The following ARID5B variants were observed in gnomAD, a reference collection of about 807,000 sequenced individuals.
ARID5B encodes the protein AT-rich interactive domain-containing protein 5B.
ARID5B carries 13 observed loss-of-function variants against 97.2 expected under a neutral mutation model. The ratio of observed to expected loss-of-function variants is 0.13; its 90% CI spans 0.09 to 0.21. The LOEUF (loss-of-function observed/expected upper bound fraction) is 0.21, where lower values mean the gene tolerates loss of function less well. ARID5B is among the 10% of genes least tolerant of loss of function. The pLI is 1.00. For synonymous variants in ARID5B, 556 were observed against 570.3 expected (o/e 0.97, Z 0.36); for missense variants, 1,210 against 1,465.3 (o/e 0.83, Z 2.84).
chr10:62,080,099 C>T (rs534365984), intron 8 of ARID5B, among the ~76,000 whole-genome samples: 64 of 152,274 alleles, frequency 4.2e-4, no homozygotes, highest in Admixed American at 1.8e-3. Context: ...AGATGGGCCC[C>T]GCTATAGGCT....
At chr10:62,042,756 A>T (rs905343400) in intron 4 of ARID5B, among the ~76,000 whole-genome samples, 3 of 149,054 alleles carry the variant, frequency 2.0e-5, no homozygotes, top group Non-Finnish European at 4.5e-5. Flanking sequence ...CTAAAAATAC[A>T]AAAAAAAAAT....
chr10:61,955,608 A>G (rs556101888), intron 3 of ARID5B, among the ~76,000 whole-genome samples: 1 of 152,200 alleles, frequency 6.6e-6, no homozygotes, highest in African/African-American at 2.4e-5. Context: ...CATCTTTACT[A>G]TACTTACTAT....
intron 3 of ARID5B, among the ~76,000 whole-genome samples, chr10:61,948,380 A>ATTGTTTTT (rs1838271333): frequency 1.2e-5 from 1 of 86,222 alleles, no homozygotes; most frequent in Non-Finnish European, 2.2e-5. Context: ...ACTTTAGGTA[A>ATTGTTTTT]TTTTTTTTTT....
intron 3 of ARID5B, among the ~76,000 whole-genome samples, chr10:61,948,380 A>ATTTTTTTT (rs71470784): frequency 0.32 from 27,008 of 84,572 alleles, 5,085 homozygotes; most frequent in Non-Finnish European, 0.34. Flanking sequence ...ACTTTAGGTA[A>ATTTTTTTT]TTTTTTTTTT....
At chr10:62,085,320 A>G (rs1019728473) in intron 8 of ARID5B, among the ~76,000 whole-genome samples, 2 of 152,218 alleles carry the variant, frequency 1.3e-5, no homozygotes, top group African/African-American at 2.4e-5. Flanking sequence ...AACACTGCCT[A>G]TAGTATGTGC....
At chr10:61,923,900 T>C (rs2132773295) in intron 2 of ARID5B, among the ~76,000 whole-genome samples, 1 of 152,316 alleles carries the variant, frequency 6.6e-6, no homozygotes, top group Non-Finnish European at 1.5e-5. Context: ...TTGGATCAGA[T>C]TGAATTGAGT....
intron 4 of ARID5B, among the ~76,000 whole-genome samples, chr10:62,002,731 G>T (rs1239125746): frequency 6.6e-6 from 1 of 152,184 alleles, no homozygotes. Context: ...AATTTAATTA[G>T]TGACTAGCAT....
chr10:61,947,543 T>C (rs1171543065), intron 3 of ARID5B, among the ~76,000 whole-genome samples: 1 of 131,292 alleles, frequency 7.6e-6, no homozygotes, highest in East Asian at 2.2e-4. Context: ...GTGCTGGGAT[T>C]ACAGGTGTGA....
chr10:62,022,935 A>C (rs568661191), intron 4 of ARID5B, among the ~76,000 whole-genome samples: 2 of 152,342 alleles, frequency 1.3e-5, no homozygotes, highest in East Asian at 3.9e-4. Context: ...TGCCCGTGTT[A>C]ACGAACTTCC....
intron 3 of ARID5B, among the ~76,000 whole-genome samples, chr10:61,966,217 A>T (rs968781106): frequency 1.3e-5 from 2 of 152,190 alleles, no homozygotes; most frequent in Admixed American, 6.6e-5. Flanking sequence ...GGGGAACAGG[A>T]AACCATTTCA....
chr10:61,922,043 A>T (rs1844024787), intron 2 of ARID5B, among the ~76,000 whole-genome samples: 1 of 152,186 alleles, frequency 6.6e-6, no homozygotes, highest in Non-Finnish European at 1.5e-5. Context: ...GGTTCCTCCC[A>T]AATATCTCCC....
intron 7 of ARID5B, among the ~76,000 whole-genome samples, chr10:62,063,216 A>G (rs896793174): frequency 1.3e-5 from 2 of 152,176 alleles, no homozygotes; most frequent in African/African-American, 4.8e-5. Flanking sequence ...TGAGATTTTT[A>G]TCTGACTCTT....
chr10:61,989,856 G>T (rs1246593580), intron 3 of ARID5B, among the ~76,000 whole-genome samples: 2 of 152,176 alleles, frequency 1.3e-5, no homozygotes, highest in Non-Finnish European at 2.9e-5. Context: ...ATGGCTTGAG[G>T]TTCCTTGATA....
intron 3 of ARID5B, among the ~76,000 whole-genome samples, chr10:61,959,856 A>G (rs1412904808): frequency 6.6e-6 from 1 of 152,184 alleles, no homozygotes; most frequent in African/African-American, 2.4e-5. Context: ...GGCAGCATGG[A>G]TGACTTTGAG....
intron 4 of ARID5B, among the ~76,000 whole-genome samples, chr10:62,009,448 T>C (rs1839188927): frequency 6.6e-6 from 1 of 152,162 alleles, no homozygotes; most frequent in Non-Finnish European, 1.5e-5. Context: ...AGATAGGACA[T>C]GGAGCAAGAG....
intron 4 of ARID5B, among the ~76,000 whole-genome samples, chr10:62,012,634 T>C (rs898536753): frequency 6.6e-6 from 1 of 152,234 alleles, no homozygotes; most frequent in Non-Finnish European, 1.5e-5. Flanking sequence ...AAAGCTGGTA[T>C]GCTTATCTAC....
In ARID5B at chr10:62,092,628, A is replaced by G. The variant is rs1447518029; in HGVS notation, c.3165A>G (p.Lys1055=). 8 of 1,614,162 alleles carry G rather than the reference A, an allele frequency of 5.0e-6. No homozygotes were observed. The highest frequency in any genetic ancestry group is 6.8e-6 in the Non-Finnish European group (8 of 1,180,016). Residue 1055 remains lysine (K), a synonymous_variant, in exon 10 of 10, where the codon AAA becomes AAG. Coordinates refer to ENST00000279873, the MANE Select transcript of ARID5B (RefSeq NM_032199.3). The part of the protein sequence containing the change: ...KASEQESEGS[K]AAHGGHSGGG... The stretch of plus-strand genomic sequence containing the variant: ...CTGAGCAGGAGAGTGAAGGCAGCAA[A>G]GCAGCGCACGGTGGGCATTCCGGGG...
chr10:61,932,892 T>C (rs1264810903), intron 2 of ARID5B, among the ~76,000 whole-genome samples: 1 of 152,126 alleles, frequency 6.6e-6, no homozygotes, highest in African/African-American at 2.4e-5. Context: ...GGCTAGGAGT[T>C]TGAGAGCAAC....
chr10:62,051,281 G>A (rs1257576158), intron 5 of ARID5B, among the ~76,000 whole-genome samples: 3 of 152,250 alleles, frequency 2.0e-5, no homozygotes, highest in East Asian at 1.9e-4. Flanking sequence ...AAGCACCCAC[G>A]TCATTGAGGC....
Sources: allele counts gnomAD v4.1 joint callset (sites outside exome capture counted in the v4.1 genomes callset), GRCh38; gene constraint gnomAD v4.1.1; transcripts MANE v1.5; gene names NCBI Gene and HGNC (gene_info 2026-07-23, HGNC 2026-07-21).